RALGAPA2: variants seen among roughly 807,000 people sequenced by gnomAD.
RALGAPA2 encodes the protein Ral GTPase activating protein catalytic subunit alpha 2.
Under a neutral mutation model 230.4 loss-of-function variants are expected in RALGAPA2, and 139 were observed. The observed-to-expected ratio is 0.60, with a 90% CI of 0.53 to 0.69. The LOEUF (loss-of-function observed/expected upper bound fraction) is 0.69. Among genes scored for constraint, RALGAPA2 ranks in the 30% least tolerant of loss-of-function variants. The pLI, the probability that RALGAPA2 is intolerant of heterozygous loss-of-function variation, is 0.00. For missense variants in RALGAPA2, 2,163 were observed against 2,276.0 expected (o/e 0.95, Z 1.01); for synonymous variants, 847 against 837.8 (o/e 1.01, Z -0.19).
At chr20:20,631,851 A>C (rs2066682787) in intron 9 of RALGAPA2, among the ~76,000 whole-genome samples, 1 of 152,132 alleles carries the variant, frequency 6.6e-6, no homozygotes, top group African/African-American at 2.4e-5. Flanking sequence ...CAGAAGGTAC[A>C]AATGGCTGTC....
At chr20:20,642,604 C>G (rs1460521586) in intron 5 of RALGAPA2, among the ~76,000 whole-genome samples, 2 of 152,158 alleles carry the variant, frequency 1.3e-5, no homozygotes, top group Non-Finnish European at 2.9e-5. Context: ...TATATGTTAA[C>G]TGTATTTAAG....
intron 36 of RALGAPA2, among the ~76,000 whole-genome samples, chr20:20,473,417 C>T (rs2061581425): frequency 6.6e-6 from 1 of 152,134 alleles, no homozygotes; most frequent in African/African-American, 2.4e-5. Flanking sequence ...ACTACAAAGT[C>T]CTACACAGTC....
intron 35 of RALGAPA2, 134 bp downstream of exon 35, chr20:20,503,217 A>C (rs990494797): frequency 2.5e-5 from 22 of 887,058 alleles, no homozygotes; most frequent in Admixed American, 3.9e-5. Flanking sequence ...TTCTTTCCCC[A>C]AACCTTAATC....
chr20:20,544,257 T>C (rs2063722741), intron 24 of RALGAPA2, among the ~76,000 whole-genome samples: 1 of 147,316 alleles, frequency 6.8e-6, no homozygotes, highest in Non-Finnish European at 1.5e-5. Context: ...CCATCTCTAC[T>C]AAAAACATAA....
intron 23 of RALGAPA2, among the ~76,000 whole-genome samples, chr20:20,561,859 T>G (rs1241173865): frequency 6.6e-6 from 1 of 152,234 alleles, no homozygotes; most frequent in Admixed American, 6.5e-5. Flanking sequence ...ATAAATTCTT[T>G]GTTGTGTTTC....
At chr20:20,408,943 T>G (rs1336647765) in intron 38 of RALGAPA2, among the ~76,000 whole-genome samples, 1 of 152,258 alleles carries the variant, frequency 6.6e-6, no homozygotes, top group Admixed American at 6.5e-5. Context: ...ATGGATGGAA[T>G]AGATACAAGG....
At chr20:20,527,589 C>T (rs1602658518) in intron 27 of RALGAPA2, among the ~76,000 whole-genome samples, 1 of 152,038 alleles carries the variant, frequency 6.6e-6, no homozygotes, top group East Asian at 1.9e-4. Context: ...GAGGCCACCA[C>T]ACCGCCCTCC....
At chr20:20,694,102 T>C (rs1291175250) in intron 1 of RALGAPA2, among the ~76,000 whole-genome samples, 1 of 148,338 alleles carries the variant, frequency 6.7e-6, no homozygotes, top group Non-Finnish European at 1.5e-5. Flanking sequence ...AGACGTTGTC[T>C]CAAAAAAAAT....
intron 37 of RALGAPA2, among the ~76,000 whole-genome samples, chr20:20,431,260 TGACACTGCTGTTAGGGAAGCGAG>T (rs2060496181): frequency 6.6e-6 from 1 of 152,162 alleles, no homozygotes; most frequent in Admixed American, 6.5e-5. Flanking sequence ...GAGTCTAGAC[TGACACTGCTGTTAGGGAAGCGAG>T]GAGGCTCCTG....
intron 37 of RALGAPA2, among the ~76,000 whole-genome samples, chr20:20,459,774 A>G (rs1347404088): frequency 6.6e-6 from 1 of 152,234 alleles, no homozygotes; most frequent in African/African-American, 2.4e-5. Flanking sequence ...TAGATGACAC[A>G]CACGTGAAGA....
chr20:20,542,011 G>T (rs998416085), intron 24 of RALGAPA2, among the ~76,000 whole-genome samples: 3 of 152,098 alleles, frequency 2.0e-5, no homozygotes, highest in African/African-American at 7.2e-5. Flanking sequence ...TAGAAAACCT[G>T]ATCTTATCAG....
intron 36 of RALGAPA2, among the ~76,000 whole-genome samples, chr20:20,482,539 T>C (rs1297825287): frequency 6.6e-6 from 1 of 152,184 alleles, no homozygotes; most frequent in Non-Finnish European, 1.5e-5. Flanking sequence ...CTCTCTTTTC[T>C]AGCGCAGGGT....
chr20:20,560,396 T>C (rs1433503258), intron 23 of RALGAPA2, among the ~76,000 whole-genome samples: 1 of 152,250 alleles, frequency 6.6e-6, no homozygotes. Flanking sequence ...TGTTGTTTAT[T>C]GCTTCTTCAG....
intron 27 of RALGAPA2, 21 bp downstream of exon 27, chr20:20,531,666 A>G (rs1207501587): frequency 6.5e-7 from 1 of 1,544,386 alleles, no homozygotes; most frequent in Admixed American, 1.8e-5. Context: ...ATATCCAATC[A>G]GCACCACAAA....
chr20:20,431,101 A>G (rs1167372708), intron 37 of RALGAPA2, among the ~76,000 whole-genome samples: 11 of 151,566 alleles, frequency 7.3e-5, no homozygotes, highest in Admixed American at 7.2e-4. Context: ...CCTGAAGCGT[A>G]GCTCTGAGAC....
rs138862901 is a variant in RALGAPA2, at chr20:20,626,912, G to A, written c.1233+2451C>T. 1.1e-3 allele frequency among the ~76,000 whole-genome samples: 171 copies of A among 152,256 alleles called. 2 individuals are homozygous for A. Among genetic ancestry groups the A allele is most frequent in the African/African-American group, 3.9e-3 (161 of 41,560 alleles). ...TCCACGAGGCCTAAAATATTTACTA[G>A]TTGGCCTTTTGCTTTAAAAAGTGTG... On this transcript the variant is annotated intron_variant, in intron 10 of 39. Transcript: ENST00000202677.
chr20:20,581,755 T>C (rs1340043635), intron 20 of RALGAPA2, among the ~76,000 whole-genome samples: 1 of 152,136 alleles, frequency 6.6e-6, no homozygotes, highest in Non-Finnish European at 1.5e-5. Flanking sequence ...TTAATGACAT[T>C]CTATCAAGAA....
chr20:20,408,103 A>G (rs1050760762), intron 38 of RALGAPA2, among the ~76,000 whole-genome samples: 3 of 152,236 alleles, frequency 2.0e-5, no homozygotes, highest in African/African-American at 7.2e-5. Context: ...CTGGCTCTCT[A>G]TAGCAATATT....
intron 3 of RALGAPA2, among the ~76,000 whole-genome samples, chr20:20,671,078 C>G (rs2068120814): frequency 6.6e-6 from 1 of 152,166 alleles, no homozygotes; most frequent in Admixed American, 6.5e-5. Flanking sequence ...AGTGCTCCCA[C>G]TAGAGAGGAA....
Sources: allele counts gnomAD v4.1 joint callset (sites outside exome capture counted in the v4.1 genomes callset), GRCh38; gene constraint gnomAD v4.1.1; transcripts MANE v1.5; gene names NCBI Gene and HGNC (gene_info 2026-07-23, HGNC 2026-07-21).